Variants in ANGPT1 observed in about 807,000 individuals in gnomAD.
The protein encoded by ANGPT1 is angiopoietin 1, also known as angiopoietin-1.
ANGPT1 carries 17 observed loss-of-function variants against 62.2 expected under a neutral mutation model. The ratio of observed to expected loss-of-function variants is 0.27; its 90% CI spans 0.19 to 0.41. The LOEUF is 0.41. Among genes scored for constraint, ANGPT1 ranks in the 10% least tolerant of loss-of-function variants. The probability of loss-of-function intolerance (pLI) is 1.00; values close to 1 mark genes in which losing one functional copy is unlikely to be tolerated. For missense variants in ANGPT1, 478 were observed against 594.9 expected (o/e 0.80, Z 2.04); for synonymous variants, 199 against 198.9 (o/e 1.00, Z 0.00).
At chr8:107,429,394 T>C (rs1009145238) in intron 1 of ANGPT1, among the ~76,000 whole-genome samples, 9 of 152,238 alleles carry the variant, frequency 5.9e-5, no homozygotes, top group Middle Eastern at 3.4e-3. Context: ...AACTGAAAAC[T>C]TCATCCTTAA....
intron 1 of ANGPT1, among the ~76,000 whole-genome samples, chr8:107,409,938 A>AATCCATCCATCCATCC (rs5893861): frequency 6.7e-6 from 1 of 148,906 alleles, no homozygotes; most frequent in African/African-American, 2.5e-5. Context: ...ATATGTGATG[A>AATCCATCCATCCATCC]ATCCATCCAT....
chr8:107,485,501 G>T (rs552181524), intron 1 of ANGPT1, among the ~76,000 whole-genome samples: 1 of 152,194 alleles, frequency 6.6e-6, no homozygotes, highest in East Asian at 1.9e-4. Flanking sequence ...ATTTTGAGTG[G>T]CCAGGCCTCC....
chr8:107,431,523 G>A (rs1811187058), intron 1 of ANGPT1, among the ~76,000 whole-genome samples: 1 of 152,178 alleles, frequency 6.6e-6, no homozygotes, highest in Admixed American at 6.5e-5. Context: ...AGGTCCCGGA[G>A]CCTTGCACAG....
chr8:107,312,043 G>A lies in ANGPT1; in HGVS notation c.809-8676C>T, dbSNP rs575210864. 5.4e-4 allele frequency among the ~76,000 whole-genome samples: 74 copies of A among 137,264 alleles called. 2 individuals carry two copies. Among genetic ancestry groups the A allele is most frequent in the Middle Eastern group, 0.01 (2 of 198 alleles). The allele number at this position is 137,264 out of a possible 152,430, so 90.1% of individuals were successfully genotyped here. On this transcript the variant is annotated intron_variant, in intron 4 of 8. Transcript: ENST00000517746. Reference sequence around the variant, plus strand: ...CGCACCACTGCACTCCAGCCTGGGCGACAGAGCGAGACTCCGTTTCAAAAA... The same window carrying A: ...CGCACCACTGCACTCCAGCCTGGGCAACAGAGCGAGACTCCGTTTCAAAAA...
chr8:107,288,004 G>T (rs551840222), intron 6 of ANGPT1, among the ~76,000 whole-genome samples: 2 of 152,222 alleles, frequency 1.3e-5, no homozygotes, highest in South Asian at 4.2e-4. Context: ...TCTTCCATGA[G>T]ACTGTGAGTC....
At chr8:107,267,358 T>C (rs1407478410) in intron 7 of ANGPT1, among the ~76,000 whole-genome samples, 1 of 152,294 alleles carries the variant, frequency 6.6e-6, no homozygotes, top group Non-Finnish European at 1.5e-5. Context: ...TTCAGGTATC[T>C]CTCTATATGT....
At chr8:107,437,567 G>A (rs949273136) in intron 1 of ANGPT1, among the ~76,000 whole-genome samples, 5 of 152,330 alleles carry the variant, frequency 3.3e-5, no homozygotes, top group African/African-American at 1.2e-4. Context: ...TGCTAAATGT[G>A]TAAGTCATTA....
At chr8:107,442,147 C>T (rs1811497123) in intron 1 of ANGPT1, among the ~76,000 whole-genome samples, 1 of 152,034 alleles carries the variant, frequency 6.6e-6, no homozygotes, top group African/African-American at 2.4e-5. Context: ...AGCTGGAAGT[C>T]AAGGAGAATT....
chr8:107,431,604 T>A (rs1380831963), intron 1 of ANGPT1, among the ~76,000 whole-genome samples: 3 of 152,186 alleles, frequency 2.0e-5, no homozygotes, highest in African/African-American at 7.2e-5. Context: ...AGATCTGCAA[T>A]CTCTGTGACG....
chr8:107,276,680 C>A (rs937788888), intron 7 of ANGPT1, among the ~76,000 whole-genome samples: 7 of 151,932 alleles, frequency 4.6e-5, no homozygotes, highest in Non-Finnish European at 8.8e-5. Flanking sequence ...CTTACCTCCT[C>A]ATTTTACTTC....
At chr8:107,395,628 A>G (rs1353151026) in intron 1 of ANGPT1, among the ~76,000 whole-genome samples, 4 of 152,206 alleles carry the variant, frequency 2.6e-5, no homozygotes, top group Non-Finnish European at 5.9e-5. Context: ...ACTGTAAATA[A>G]GGATATTTTG....
At chr8:107,487,953 C>A (rs1157774904) in intron 1 of ANGPT1, among the ~76,000 whole-genome samples, 1 of 152,034 alleles carries the variant, frequency 6.6e-6, no homozygotes, top group Admixed American at 6.6e-5. Flanking sequence ...TGAATAGTAT[C>A]CTTTACAATA....
chr8:107,319,494 C>T (rs1815101608), intron 4 of ANGPT1, among the ~76,000 whole-genome samples: 1 of 151,742 alleles, frequency 6.6e-6, no homozygotes, highest in African/African-American at 2.4e-5. Context: ...TTCTGGTATG[C>T]TTATTTTGAA....
intron 4 of ANGPT1, among the ~76,000 whole-genome samples, chr8:107,317,776 ATGTG>A (rs1815053713): frequency 1.3e-5 from 2 of 151,946 alleles, no homozygotes; most frequent in Non-Finnish European, 2.9e-5. Context: ...GATTACAGGC[ATGTG>A]CCACCATGCC....
intron 1 of ANGPT1, among the ~76,000 whole-genome samples, chr8:107,434,613 A>G (rs968354927): frequency 2.0e-5 from 2 of 100,688 alleles, no homozygotes; most frequent in Non-Finnish European, 4.2e-5. Context: ...AGAAAAAAAT[A>G]CTAAACTTCA....
In ANGPT1 at chr8:107,268,630, A is replaced by T. The variant is rs1411137778; in HGVS notation, c.1206-4279T>A. Among the ~76,000 whole-genome samples, 4 of 152,158 alleles carry T rather than the reference A, an allele frequency of 2.6e-5. No individual in the cohort carries two copies. The East Asian group carries it at 7.7e-4, about 29-fold the overall frequency. On this transcript the variant is annotated intron_variant, in intron 7 of 8. Coordinates refer to ENST00000517746, the MANE Select transcript of ANGPT1 (RefSeq NM_001146.5). ...AACAATTTATTTGTATTGTATGAAT[A>T]GCCAACTGAAAACAATTTGAAAGCA...
intron 3 of ANGPT1, among the ~76,000 whole-genome samples, chr8:107,330,436 T>C (rs1245610077): frequency 1.3e-5 from 2 of 152,130 alleles, no homozygotes; most frequent in Non-Finnish European, 2.9e-5. Flanking sequence ...AAAATAAGAT[T>C]ATTGGAAGTA....
chr8:107,400,861 A>T (rs566557383), intron 1 of ANGPT1, among the ~76,000 whole-genome samples: 15 of 124,142 alleles, frequency 1.2e-4, no homozygotes, highest in Non-Finnish European at 1.2e-4. Flanking sequence ...TGCCCAGCAG[A>T]TATTTCTTTT....
intron 1 of ANGPT1, among the ~76,000 whole-genome samples, chr8:107,436,497 G>T (rs1278106133): frequency 6.6e-6 from 1 of 152,246 alleles, no homozygotes; most frequent in East Asian, 1.9e-4. Flanking sequence ...GCCCTCTTGT[G>T]CTTATATGGA....
Sources: allele counts gnomAD v4.1 joint callset (sites outside exome capture counted in the v4.1 genomes callset), GRCh38; gene constraint gnomAD v4.1.1; transcripts MANE v1.5; gene names NCBI Gene and HGNC (gene_info 2026-07-23, HGNC 2026-07-21).